Variants in SGCZ observed in about 807,000 individuals in gnomAD.
SGCZ encodes the protein zeta-sarcoglycan.
In SGCZ, 40 loss-of-function variants were observed where a neutral mutation model predicts 41.3. The ratio of observed to expected loss-of-function variants is 0.97; its 90% CI spans 0.75 to 1.26. The LOEUF (loss-of-function observed/expected upper bound fraction) is 1.26, where lower values mean the gene tolerates loss of function less well. Ranked by LOEUF, SGCZ falls within the 50% of genes most tolerant of loss-of-function variation. SGCZ has a pLI of 0.00. For synonymous variants in SGCZ, 206 were observed against 137.5 expected (o/e 1.50, Z -3.49); for missense variants, 552 against 369.8 (o/e 1.49, Z -4.04).
At chr8:14,881,302 A>G (rs180927142) in intron 1 of SGCZ, among the ~76,000 whole-genome samples, 1 of 152,098 alleles carries the variant, frequency 6.6e-6, no homozygotes, top group Admixed American at 6.6e-5. Flanking sequence ...TTTTATTCAT[A>G]TTTACTTTAA....
At chr8:14,849,743 A>G (rs937803310) in intron 1 of SGCZ, among the ~76,000 whole-genome samples, 1 of 152,140 alleles carries the variant, frequency 6.6e-6, no homozygotes, top group East Asian at 1.9e-4. Context: ...ATGAATGTAT[A>G]CTTATGTCAA....
intron 1 of SGCZ, among the ~76,000 whole-genome samples, chr8:15,158,109 A>G (rs988057231): frequency 2.0e-5 from 3 of 151,770 alleles, no homozygotes; most frequent in Non-Finnish European, 4.4e-5. Context: ...CCTTTTCTCT[A>G]GATCTCTCTT....
intron 2 of SGCZ, among the ~76,000 whole-genome samples, chr8:14,370,627 G>A (rs950171750): frequency 2.6e-5 from 4 of 151,794 alleles, no homozygotes; most frequent in African/African-American, 7.2e-5. Context: ...TATATTGAAA[G>A]AATTAAATTT....
At chr8:14,440,318 TTC>T (rs1800212148) in intron 2 of SGCZ, among the ~76,000 whole-genome samples, 1 of 152,096 alleles carries the variant, frequency 6.6e-6, no homozygotes, top group South Asian at 2.1e-4. Flanking sequence ...AATAATTCAC[TTC>T]TTTGTTCATG....
intron 3 of SGCZ, among the ~76,000 whole-genome samples, chr8:14,274,825 G>T (rs2117272273): frequency 6.6e-6 from 1 of 151,570 alleles, no homozygotes; most frequent in African/African-American, 2.4e-5. Flanking sequence ...TCATAATATA[G>T]GTCTCATAAT....
Position 14,396,900 on chromosome 8 carries a change from A to T in SGCZ, c.235-72696T>A, listed in dbSNP as rs113456393. On this transcript the variant is annotated intron_variant, in intron 2 of 7. Coordinates refer to ENST00000382080, the MANE Select transcript of SGCZ (RefSeq NM_139167.4). ...AAAAGACAGAGGACCAGATTGGCTT[A>T]TTGCAGGGAGCTTAGGTTTTAACCA... 1.4e-4 allele frequency among the ~76,000 whole-genome samples: 22 copies of T among 152,286 alleles called. 1 individual carries two copies. The highest frequency in any genetic ancestry group is 4.1e-4 in the African/African-American group (17 of 41,562).
chr8:14,778,114 G>T (rs560469908), intron 1 of SGCZ, among the ~76,000 whole-genome samples: 2 of 151,962 alleles, frequency 1.3e-5, no homozygotes, highest in Non-Finnish European at 2.9e-5. Flanking sequence ...TTTTTGTAAA[G>T]ATGAGGTCTC....
At chr8:15,160,126 T>C (rs113911502) in intron 1 of SGCZ, among the ~76,000 whole-genome samples, 3,063 of 152,222 alleles carry the variant, frequency 0.02, 90 homozygotes, top group African/African-American at 0.069. Flanking sequence ...TCCAAAACGA[T>C]TTTCGTCTTG....
intron 1 of SGCZ, among the ~76,000 whole-genome samples, chr8:15,116,055 C>A (rs1328128203): frequency 6.6e-6 from 1 of 152,108 alleles, no homozygotes; most frequent in Non-Finnish European, 1.5e-5. Flanking sequence ...AATATATAAG[C>A]AAATGAATAG....
intron 1 of SGCZ, among the ~76,000 whole-genome samples, chr8:15,218,951 A>C (rs982256298): frequency 6.6e-6 from 1 of 152,206 alleles, no homozygotes; most frequent in African/African-American, 2.4e-5. Context: ...TGTGGTGCCA[A>C]AGCTGAACAA....
At chr8:14,980,317 A>C (rs1445402469) in intron 1 of SGCZ, among the ~76,000 whole-genome samples, 2 of 152,238 alleles carry the variant, frequency 1.3e-5, no homozygotes, top group Non-Finnish European at 2.9e-5. Flanking sequence ...AGTAAGAAGG[A>C]ATCTACTCAT....
chr8:15,186,874 G>A (rs1463250946), intron 1 of SGCZ, among the ~76,000 whole-genome samples: 1 of 152,128 alleles, frequency 6.6e-6, no homozygotes, highest in Non-Finnish European at 1.5e-5. Context: ...CATTTAAGCA[G>A]ATCTTATTGG....
intron 1 of SGCZ, among the ~76,000 whole-genome samples, chr8:15,178,213 C>T (rs146554113): frequency 6.6e-6 from 1 of 151,928 alleles, no homozygotes; most frequent in Non-Finnish European, 1.5e-5. Flanking sequence ...TTGTTTTTTT[C>T]TTTGAGAATT....
chr8:14,147,398 A>G (rs929845853), intron 5 of SGCZ, among the ~76,000 whole-genome samples: 2 of 152,162 alleles, frequency 1.3e-5, no homozygotes, highest in African/African-American at 4.8e-5. Context: ...AAAAACCAAA[A>G]AAGTGCAGGA....
chr8:14,666,564 C>CT (rs1563189278), intron 1 of SGCZ, among the ~76,000 whole-genome samples: 1 of 151,556 alleles, frequency 6.6e-6, no homozygotes, highest in Non-Finnish European at 1.5e-5. Context: ...ATTTGCCTGG[C>CT]TTTTTTCTGT....
intron 1 of SGCZ, among the ~76,000 whole-genome samples, chr8:15,073,616 C>A (rs150319647): frequency 6.6e-6 from 1 of 152,048 alleles, no homozygotes; most frequent in Non-Finnish European, 1.5e-5. Context: ...TGTGGGTGGG[C>A]CTTATTCAAT....
intron 2 of SGCZ, among the ~76,000 whole-genome samples, chr8:14,383,281 T>C (rs1332737863): frequency 6.6e-6 from 1 of 152,240 alleles, no homozygotes; most frequent in African/African-American, 2.4e-5. Context: ...GAAGAAATAC[T>C]GATAAGAGAC....
intron 1 of SGCZ, among the ~76,000 whole-genome samples, chr8:14,817,844 C>T (rs1187191316): frequency 6.6e-6 from 1 of 152,188 alleles, no homozygotes; most frequent in Admixed American, 6.5e-5. Flanking sequence ...CTGTGGTTCC[C>T]TATGCCCCAA....
intron 1 of SGCZ, among the ~76,000 whole-genome samples, chr8:14,945,944 C>T (rs1270275223): frequency 1.5e-5 from 2 of 133,812 alleles, no homozygotes; most frequent in African/African-American, 2.8e-5. Flanking sequence ...TGCAGATAGG[C>T]CTCTCATGGG....
Sources: allele counts gnomAD v4.1 joint callset (sites outside exome capture counted in the v4.1 genomes callset), GRCh38; gene constraint gnomAD v4.1.1; transcripts MANE v1.5; gene names NCBI Gene and HGNC (gene_info 2026-07-23, HGNC 2026-07-21).